Variants in SMAD9 observed in about 807,000 individuals in gnomAD.
SMAD9 encodes the protein MAD homolog 9.
Under a neutral mutation model 46.1 loss-of-function variants are expected in SMAD9, and 36 were observed. The ratio of observed to expected loss-of-function variants is 0.78; its 90% CI spans 0.60 to 1.03. The LOEUF is 1.03. Ranked by LOEUF, SMAD9 falls within the 50% of genes least tolerant of loss-of-function variation. The pLI, the probability that SMAD9 is intolerant of heterozygous loss-of-function variation, is 0.00. For synonymous variants in SMAD9, 245 were observed against 237.1 expected, an observed-to-expected ratio of 1.03 and a Z score of -0.31; for missense variants, 572 against 599.8, an observed-to-expected ratio of 0.95 and a Z score of 0.48.
At position 36,850,452 on chromosome 13, in the gene SMAD9, T is replaced by G. The variant is rs547392773; in HGVS notation, c.1261-1633A>C. Among the ~76,000 whole-genome samples the G allele has an allele frequency of 7.2e-5, 11 of 152,336 alleles. No individual in the cohort carries two copies. In the South Asian group the frequency reaches 2.3e-3, roughly 32 times the overall value. ...TGGAGTGCAATGGTGCGATCTCAGC[T>G]CACTGCAACCTCTGCCTCCGAGGTT... On this transcript the variant is annotated intron_variant, in intron 6 of 6. Coordinates refer to ENST00000379826, the MANE Select transcript of SMAD9 (RefSeq NM_001127217.3).
chr13:36,872,594 A>G (rs983090380), intron 3 of SMAD9, 64 bp downstream of exon 3: 23 of 1,557,430 alleles, frequency 1.5e-5, no homozygotes, highest in Non-Finnish European at 1.9e-5. Flanking sequence ...GTGACTGTTC[A>G]TCATAAATCA....
Position 36,879,752 on chromosome 13 carries a change from G to A in SMAD9, c.-63C>T, listed in dbSNP as rs1049996996. 86 of 1,589,394 alleles carry A rather than the reference G, an allele frequency of 5.4e-5. No individual in the cohort carries two copies. The highest frequency in any genetic ancestry group is 6.7e-5 in the East Asian group (3 of 44,736). On this transcript the variant is annotated 5_prime_UTR_variant, in exon 2 of 7. Coordinates refer to ENST00000379826, the MANE Select transcript of SMAD9 (RefSeq NM_001127217.3). Reference sequence around the variant, plus strand: ...CACAGCCCTTCACGGCAAAGTGGGCGGCGAGTAGCTCTCCAGGGGTGGCAT... The same window carrying A: ...CACAGCCCTTCACGGCAAAGTGGGCAGCGAGTAGCTCTCCAGGGGTGGCAT...
intron 1 of SMAD9, among the ~76,000 whole-genome samples, chr13:36,912,823 C>T (rs895913064): frequency 2.0e-5 from 3 of 152,104 alleles, no homozygotes; most frequent in Admixed American, 1.3e-4. Flanking sequence ...TCTCATTATC[C>T]TTGACAAGAC....
At chr13:36,898,635 T>C (rs1261972643) in intron 1 of SMAD9, among the ~76,000 whole-genome samples, 1 of 152,128 alleles carries the variant, frequency 6.6e-6, no homozygotes, top group African/African-American at 2.4e-5. Flanking sequence ...TGTTTCACCA[T>C]ACTAACAAAA....
intron 1 of SMAD9, among the ~76,000 whole-genome samples, chr13:36,899,659 T>C (rs1387636906): frequency 1.3e-5 from 2 of 152,084 alleles, no homozygotes; most frequent in African/African-American, 4.8e-5. Flanking sequence ...AATATCAAAA[T>C]GGAATTCAGT....
chr13:36,910,161 T>G (rs534213), intron 1 of SMAD9, among the ~76,000 whole-genome samples: 1 of 150,598 alleles, frequency 6.6e-6, no homozygotes, highest in African/African-American at 2.4e-5. Context: ...CGCGCCACTG[T>G]ACTCCGGCGT....
At position 36,872,005 on chromosome 13, in the gene SMAD9, A is replaced by G. The variant is rs56107537; in HGVS notation, c.670+653T>C. ...TCTCACACTCACAAAGTGCATATGT[A>G]TCTTTTATTCATTATCTCAACTTAG... On this transcript the variant is annotated intron_variant, in intron 3 of 6. Transcript: ENST00000379826. 9.5e-3 allele frequency among the ~76,000 whole-genome samples: 1,447 copies of G among 152,328 alleles called. 21 individuals carry two copies. Among genetic ancestry groups the G allele is most frequent in the African/African-American group, 0.033 (1,378 of 41,576 alleles).
chr13:36,866,501 T>A (rs922499048), intron 4 of SMAD9, among the ~76,000 whole-genome samples: 2 of 152,204 alleles, frequency 1.3e-5, no homozygotes, highest in Non-Finnish European at 2.9e-5. Flanking sequence ...GCCTTTCTAG[T>A]GATTGTATTA....
chr13:36,859,333 G>C (rs1188367357), intron 5 of SMAD9, among the ~76,000 whole-genome samples: 1 of 152,186 alleles, frequency 6.6e-6, no homozygotes, highest in Non-Finnish European at 1.5e-5. Context: ...GTTTGAAACA[G>C]AGTGACTCCG....
chr13:36,889,626 C>T (rs932253935), intron 1 of SMAD9, among the ~76,000 whole-genome samples: 5 of 152,120 alleles, frequency 3.3e-5, no homozygotes, highest in African/African-American at 9.7e-5. Flanking sequence ...TATATCATTA[C>T]ATTACTGACA....
At chr13:36,920,753 G>A (rs1177745912), upstream of SMAD9, 1 of 152,314 alleles carries the variant, frequency 6.6e-6, no homozygotes, top group Non-Finnish European at 1.5e-5. Flanking sequence ...TTCCTCACAT[G>A]TTTCTGGGCC....
At position 36,872,687 on chromosome 13, in the gene SMAD9, G is replaced by A. The variant is rs148470562; in HGVS notation, c.641C>T (p.Ser214Phe). The change falls in exon 3 of 7, where the codon TCT (serine) becomes TTT (phenylalanine). Residue 214 changes from serine (S) to phenylalanine (F), a missense_variant. Physicochemically the swap from Ser to Phe is radical, Grantham distance 155 (BLOSUM62 -2). Coordinates refer to ENST00000379826, the MANE Select transcript of SMAD9 (RefSeq NM_001127217.3). ...GTGTTGATAGGGACTCTCTGGCTCAGAAGGACTTCCTGGGGAGTGAGGGTA... is the reference window on the plus strand; with the variant it reads ...GTGTTGATAGGGACTCTCTGGCTCAAAAGGACTTCCTGGGGAGTGAGGGTA... Reference protein sequence around the residue: ...ASYPHSPGSPSEPESPYQHSV... With the variant: ...ASYPHSPGSPFEPESPYQHSV... The A allele has an allele frequency of 4.3e-6, 7 of 1,613,900 alleles. No homozygotes were observed. The South Asian group carries it at 7.7e-5, about 18-fold the overall frequency.
At chr13:36,913,898 T>A (rs1156323399) in intron 1 of SMAD9, among the ~76,000 whole-genome samples, 1 of 152,248 alleles carries the variant, frequency 6.6e-6, no homozygotes. Flanking sequence ...TGGCTTCTAA[T>A]AATCACTTAT....
chr13:36,919,330 T>C (rs1484501988), intron 1 of SMAD9, among the ~76,000 whole-genome samples: 3 of 152,138 alleles, frequency 2.0e-5, no homozygotes, highest in Admixed American at 1.3e-4. Flanking sequence ...CTCCTGTATC[T>C]GCTTCCCACC....
chr13:36,872,892 T>C lies in SMAD9; in HGVS notation c.436A>G (p.Arg146Gly). 6.2e-7 allele frequency: 1 copy of C among 1,614,128 alleles called. No individual in the cohort carries two copies. The highest frequency in any genetic ancestry group is 8.5e-7 in the Non-Finnish European group (1 of 1,180,030). ...AGCTGGGGGTTATATTCACTGTGTC[T>C]TGGCACGAGCACAGGAGGCAGTACT... Reference protein sequence around the residue: ...TPVLPPVLVPRHSEYNPQLSL... With the variant: ...TPVLPPVLVPGHSEYNPQLSL... The change falls in exon 3 of 7, where the codon AGA (arginine) becomes GGA (glycine). Residue 146 changes from arginine to glycine, a missense_variant. Arg to Gly is a moderately radical substitution (Grantham distance 125, BLOSUM62 -2). Coordinates refer to ENST00000379826, the MANE Select transcript of SMAD9 (RefSeq NM_001127217.3).
chr13:36,854,036 G>A (rs1378758714), intron 5 of SMAD9, among the ~76,000 whole-genome samples: 1 of 152,108 alleles, frequency 6.6e-6, no homozygotes, highest in Non-Finnish European at 1.5e-5. Context: ...GTGGGCACCT[G>A]TAATCCCAGC....
intron 1 of SMAD9, among the ~76,000 whole-genome samples, chr13:36,881,947 T>C (rs529322727): frequency 1.7e-4 from 26 of 152,328 alleles, no homozygotes; most frequent in African/African-American, 5.1e-4. Flanking sequence ...AGGTCAGTCA[T>C]AGAGAAAAGC....
At chr13:36,903,692 ATAAGT>A (rs1464101995) in intron 1 of SMAD9, among the ~76,000 whole-genome samples, 3 of 152,344 alleles carry the variant, frequency 2.0e-5, no homozygotes, top group Middle Eastern at 3.4e-3. Flanking sequence ...ATTCTTCTAG[ATAAGT>A]TAATTTTACA....
At chr13:36,902,657 C>G (rs1035394533) in intron 1 of SMAD9, among the ~76,000 whole-genome samples, 1 of 152,070 alleles carries the variant, frequency 6.6e-6, no homozygotes, top group Non-Finnish European at 1.5e-5. Context: ...TGGGTTTCAC[C>G]ATGTTGGCCA....
Sources: gnomAD v4.1 joint callset for allele counts (sites outside exome capture counted in the v4.1 genomes callset) on GRCh38, gnomAD v4.1.1 for gene constraint, MANE v1.5 for transcripts, NCBI Gene and HGNC (gene_info 2026-07-23, HGNC 2026-07-21) for gene names.